The following SEM1 variants were observed in gnomAD, a reference collection of about 807,000 sequenced individuals.
SEM1 encodes the protein 26S proteasome complex subunit SEM1.
In SEM1, 3 loss-of-function variants were observed where a neutral mutation model predicts 12.7. The ratio of observed to expected loss-of-function variants is 0.24; its 90% CI spans 0.11 to 0.61. The LOEUF is 0.61. Ranked by LOEUF, SEM1 falls within the 20% of genes least tolerant of loss-of-function variation. The probability of loss-of-function intolerance (pLI) is 0.88; values close to 1 mark genes in which losing one functional copy is unlikely to be tolerated. For synonymous variants in SEM1, 30 were observed against 27.8 expected (o/e 1.08, Z -0.25); for missense variants, 59 against 81.3 (o/e 0.73, Z 1.06).
chr7:96,653,818 A>C (rs1473376461), intron 2 of SEM1: 1 of 152,194 alleles, frequency 6.6e-6, no homozygotes, highest in African/African-American at 2.4e-5. Context: ...CCACCTAACA[A>C]CACAGTCCTC....
At chr7:96,687,429 T>C (rs1183740356), downstream of SEM1, among the ~76,000 whole-genome samples, 2 of 152,126 alleles carry the variant, frequency 1.3e-5, no homozygotes, top group Non-Finnish European at 2.9e-5. Context: ...GTGGCACATA[T>C]ACACCATGGA....
upstream of SEM1, among the ~76,000 whole-genome samples, chr7:96,496,861 GTTTAT>G (rs1803292371): frequency 6.6e-6 from 1 of 151,934 alleles, no homozygotes; most frequent in African/African-American, 2.4e-5. Context: ...CCCTTCATGG[GTTTAT>G]AATTCTCAGC....
At chr7:96,601,192 G>A (rs1807187420) in intron 2 of SEM1, among the ~76,000 whole-genome samples, 1 of 152,164 alleles carries the variant, frequency 6.6e-6, no homozygotes, top group African/African-American at 2.4e-5. Flanking sequence ...CATGTGCCAG[G>A]TACTGTTTCA....
At chr7:96,708,528 A>G (rs959673794) in intron 1 of SEM1, among the ~76,000 whole-genome samples, 1 of 152,220 alleles carries the variant, frequency 6.6e-6, no homozygotes, top group East Asian at 1.9e-4. Flanking sequence ...TTCTCTTTCT[A>G]CCACCTTCAG....
intron 2 of SEM1, among the ~76,000 whole-genome samples, chr7:96,665,893 C>T (rs148819277): frequency 1.1e-4 from 17 of 152,270 alleles, no homozygotes; most frequent in African/African-American, 3.8e-4. Context: ...TGTGAGATAC[C>T]AGCCCTGCAG....
intron 1 of SEM1, among the ~76,000 whole-genome samples, chr7:96,706,776 C>T (rs1401251909): frequency 6.6e-6 from 1 of 152,090 alleles, no homozygotes; most frequent in Non-Finnish European, 1.5e-5. Context: ...AACCTCTATA[C>T]TCCAAGTTAC....
intron 2 of SEM1, among the ~76,000 whole-genome samples, chr7:96,543,707 G>A (rs7792972): frequency 6.6e-6 from 1 of 151,844 alleles, no homozygotes; most frequent in African/African-American, 2.4e-5. Flanking sequence ...GTTTCTGTTC[G>A]GTTTTTTAGA....
downstream of SEM1, chr7:96,688,733 A>G (rs2115806647): frequency 4.2e-6 from 2 of 474,880 alleles, no homozygotes; most frequent in Non-Finnish European, 7.4e-6. Flanking sequence ...ATTGATTAGA[A>G]GCAAAAGATT....
intron 2 of SEM1, among the ~76,000 whole-genome samples, chr7:96,535,294 A>T (rs1274215629): frequency 6.6e-6 from 1 of 151,944 alleles, no homozygotes; most frequent in African/African-American, 2.4e-5. Context: ...CAGTATGTTG[A>T]ATATAATCAT....
intron 2 of SEM1, among the ~76,000 whole-genome samples, chr7:96,639,287 AGAG>A (rs1808520262): frequency 6.6e-6 from 1 of 151,992 alleles, no homozygotes; most frequent in Non-Finnish European, 1.5e-5. Flanking sequence ...AAAAAGAACT[AGAG>A]AAGAACAAAG....
chr7:96,581,938 C>A (rs1349038690), intron 2 of SEM1, among the ~76,000 whole-genome samples: 1 of 152,032 alleles, frequency 6.6e-6, no homozygotes, highest in East Asian at 1.9e-4. Flanking sequence ...GTGACTTCCT[C>A]TTTTCCTCTT....
chr7:96,556,075 T>C (rs1340877527), intron 2 of SEM1, among the ~76,000 whole-genome samples: 2 of 152,044 alleles, frequency 1.3e-5, no homozygotes, highest in African/African-American at 4.8e-5. Flanking sequence ...ATTTTGAGCC[T>C]ATGGGTGTCG....
intron 1 of SEM1, among the ~76,000 whole-genome samples, chr7:96,495,533 T>C (rs747375587): frequency 3.9e-5 from 6 of 152,168 alleles, no homozygotes; most frequent in Non-Finnish European, 7.4e-5. Context: ...ATTGTACCAA[T>C]ATTTAATTAA....
chr7:96,609,580 T>C (rs1807482117), intron 2 of SEM1, among the ~76,000 whole-genome samples: 1 of 152,184 alleles, frequency 6.6e-6, no homozygotes. Flanking sequence ...AACCTGAATG[T>C]GAGTCTTCTT....
intron 2 of SEM1, among the ~76,000 whole-genome samples, chr7:96,577,691 T>C (rs1160333814): frequency 1.3e-5 from 2 of 152,062 alleles, no homozygotes; most frequent in Non-Finnish European, 2.9e-5. Flanking sequence ...GTAGTGCTCC[T>C]AGGTGACTGA....
At chr7:96,657,468 A>G (rs189544385) in intron 2 of SEM1, among the ~76,000 whole-genome samples, 61 of 152,330 alleles carry the variant, frequency 4.0e-4, no homozygotes, top group African/African-American at 1.4e-3. Context: ...TAAGTAAAAG[A>G]GGGATTAAAA....
rs1482776202 is a variant in SEM1, at chr7:96,563,572, A to G, written c.171-56874T>C. Among the ~76,000 whole-genome samples the G allele has an allele frequency of 2.6e-5, 4 of 152,128 alleles. No homozygotes were observed. In the East Asian group the frequency reaches 7.7e-4, roughly 29 times the overall value. ...AATTTATCAGGGTCGATGTTTGTTA[A>G]AACTAGAGAGGGACAAGAGGGTTCA... On this transcript the variant is annotated intron_variant and NMD_transcript_variant, in intron 2 of 3. Transcript: ENST00000466986.
chr7:96,511,122 G>A (rs1293583955), intron 2 of SEM1, among the ~76,000 whole-genome samples: 1 of 152,060 alleles, frequency 6.6e-6, no homozygotes, highest in Non-Finnish European at 1.5e-5. Context: ...AGTGTTATAT[G>A]AGATGAGATG....
intron 2 of SEM1, among the ~76,000 whole-genome samples, chr7:96,650,935 GT>G (rs2116451240): frequency 6.6e-6 from 1 of 152,096 alleles, no homozygotes; most frequent in African/African-American, 2.4e-5. Context: ...CCATCTGACT[GT>G]TGTCTTTGGA....
Sources: gnomAD v4.1 joint callset for allele counts (sites outside exome capture counted in the v4.1 genomes callset) on GRCh38, gnomAD v4.1.1 for gene constraint, MANE v1.5 for transcripts, NCBI Gene and HGNC (gene_info 2026-07-23, HGNC 2026-07-21) for gene names.